The following AGMO variants were observed in gnomAD, a reference collection of about 807,000 sequenced individuals.
AGMO encodes glyceryl-ether monooxygenase.
AGMO carries 75 observed loss-of-function variants against 60.2 expected under a neutral mutation model. The observed-to-expected ratio is 1.25, with a 90% CI of 1.03 to 1.51. The LOEUF (loss-of-function observed/expected upper bound fraction) is 1.51, where lower values mean the gene tolerates loss of function less well. Ranked by LOEUF, AGMO falls within the 40% of genes most tolerant of loss-of-function variation. The pLI is 0.00. For missense variants in AGMO, 763 were observed against 525.5 expected (o/e 1.45, Z -4.42); for synonymous variants, 261 against 177.1 (o/e 1.47, Z -3.76).
chr7:15,437,531 CTTTTTTTT>C (rs201021445), intron 3 of AGMO, among the ~76,000 whole-genome samples: 5 of 120,600 alleles, frequency 4.1e-5, no homozygotes, highest in Non-Finnish European at 5.1e-5. Flanking sequence ...AAATTTTTTC[CTTTTTTTT>C]TTTTTTTTTT....
the AGMO span, among the ~76,000 whole-genome samples, chr7:15,192,265 C>T: frequency 2.0e-5 from 3 of 149,690 alleles, no homozygotes; most frequent in South Asian, 6.6e-4. Context: ...CCCGCCATGC[C>T]CCCCACATCC....
intron 12 of AGMO, among the ~76,000 whole-genome samples, chr7:15,359,077 C>T (rs536883483): frequency 6.6e-6 from 1 of 152,054 alleles, no homozygotes; most frequent in Admixed American, 6.6e-5. Context: ...ATCATGAGGT[C>T]AGGAGATTGA....
At chr7:15,365,397 A>AAAAAAAAAAAAATAAAAAAAT in intron 12 of AGMO, 117 bp downstream of exon 12, 1 of 486,326 alleles carries the variant, frequency 2.1e-6, no homozygotes, top group Non-Finnish European at 3.6e-6. Flanking sequence ...AAAAAAAAAG[A>AAAAAAAAAAAAATAAAAAAAT]TCAAGATTTC....
At chr7:15,359,454 A>G (rs1782668657) in intron 12 of AGMO, among the ~76,000 whole-genome samples, 1 of 152,098 alleles carries the variant, frequency 6.6e-6, no homozygotes, top group South Asian at 2.1e-4. Context: ...ATATATTTAC[A>G]TTTTTTAAAA....
the AGMO span, among the ~76,000 whole-genome samples, chr7:15,141,109 G>A: frequency 3.1e-4 from 47 of 152,150 alleles, no homozygotes; most frequent in African/African-American, 1.1e-3. Flanking sequence ...CTTGTAAATG[G>A]CTCATAGTCC....
chr7:15,200,104 T>C (rs115311150), downstream of AGMO, among the ~76,000 whole-genome samples: 2,889 of 152,182 alleles, frequency 0.019, 85 homozygotes, highest in African/African-American at 0.065. Context: ...TTAGTACATG[T>C]GTCTTTGATT....
chr7:15,350,457 G>C (rs931203998), intron 12 of AGMO, among the ~76,000 whole-genome samples: 1 of 152,130 alleles, frequency 6.6e-6, no homozygotes, highest in African/African-American at 2.4e-5. Flanking sequence ...ATTAGAGGTA[G>C]ATAAGAGTTT....
chr7:15,431,243 T>A (rs1781230208), intron 3 of AGMO, 135 bp from the exon 4 acceptor site: 3 of 616,776 alleles, frequency 4.9e-6, no homozygotes, highest in South Asian at 2.0e-5. Context: ...AATATAATTA[T>A]AATTAAAATA....
intron 3 of AGMO, among the ~76,000 whole-genome samples, chr7:15,433,434 TAA>T (rs11288973): frequency 2.0e-5 from 3 of 149,622 alleles, no homozygotes; most frequent in Non-Finnish European, 4.5e-5. Context: ...TCAGAATTGG[TAA>T]AAAAAAAAGA....
At chr7:15,354,476 A>ACG (rs1248483898) in intron 12 of AGMO, among the ~76,000 whole-genome samples, 327 of 22,498 alleles carry the variant, frequency 0.015, 43 homozygotes, top group African/African-American at 0.032. Context: ...GTGTATACAC[A>ACG]CGTGTGTATA....
chr7:15,334,612 G>A (rs1419721502), intron 12 of AGMO, among the ~76,000 whole-genome samples: 2 of 152,120 alleles, frequency 1.3e-5, no homozygotes, highest in Non-Finnish European at 2.9e-5. Flanking sequence ...TACAAGGCAG[G>A]TGTATTTTTA....
At position 15,449,944 on chromosome 7, in the gene AGMO, G is replaced by A. The variant is rs148599577; in HGVS notation, c.410-18836C>T. ...GTACCACTTAAATCACATTTTAAGA[G>A]CACCTGTTTTCAAATTTAACAACAA... On this transcript the variant is annotated intron_variant, in intron 3 of 12. Transcript: ENST00000342526. Among the ~76,000 whole-genome samples the A allele has an allele frequency of 4.6e-3, 693 of 152,158 alleles. 5 individuals carry two copies. Among genetic ancestry groups the A allele is most frequent in the African/African-American group, 0.016 (656 of 41,492 alleles).
rs572866243 is a variant in AGMO, at chr7:15,365,570, G to C, written c.1207C>G (p.Leu403Val). 3 of 1,612,706 alleles carry C rather than the reference G, an allele frequency of 1.9e-6. No homozygotes were observed. The highest frequency in any genetic ancestry group is 2.5e-6 in the Non-Finnish European group (3 of 1,179,114). ...ETLRCLMFLM[L>V]YRFGHLKPLV... is the part of the protein sequence containing the mutation. ...GGCTTCAGGTGACCAAATCGGTACA[G>C]CATTAAGAACATCAAGCAACGGAGA... The change falls in exon 12 of 13, where the codon CTG becomes GTG. Residue 403 changes from leucine to valine, a missense_variant. By Grantham distance (32) the Leu-to-Val change is conservative. Transcript: ENST00000342526.
At chr7:15,366,280 G>T (rs554690093) in intron 10 of AGMO, 58 bp from the exon 11 acceptor site, 2 of 1,365,276 alleles carry the variant, frequency 1.5e-6, no homozygotes, top group Non-Finnish European at 2.0e-6. Flanking sequence ...AAAGGTACAC[G>T]AACGGTTAAA....
chr7:15,461,206 C>G (rs1419993674), intron 3 of AGMO, among the ~76,000 whole-genome samples: 1 of 151,948 alleles, frequency 6.6e-6, no homozygotes, highest in Non-Finnish European at 1.5e-5. Flanking sequence ...GCCTCATTAT[C>G]ACAATGCTGT....
intron 3 of AGMO, among the ~76,000 whole-genome samples, chr7:15,512,688 G>A (rs1783706204): frequency 6.6e-6 from 1 of 152,042 alleles, no homozygotes; most frequent in Non-Finnish European, 1.5e-5. Context: ...ATATGGATTG[G>A]TATTCTCAGA....
intron 3 of AGMO, among the ~76,000 whole-genome samples, chr7:15,530,956 A>ATATATTCTATATGTATTCTATATG (rs1490291196): frequency 3.9e-5 from 2 of 51,834 alleles, no homozygotes; most frequent in African/African-American, 6.5e-5. Context: ...TTGAATACAT[A>ATATATTCTATATGTATTCTATATG]TATATTCTAT....
the AGMO span, among the ~76,000 whole-genome samples, chr7:15,121,738 C>A: frequency 6.6e-6 from 1 of 152,070 alleles, no homozygotes; most frequent in South Asian, 2.1e-4. Flanking sequence ...ATATATAGAC[C>A]AATGGAACAG....
chr7:15,456,655 C>A (rs73682010), intron 3 of AGMO, among the ~76,000 whole-genome samples: 2,369 of 152,232 alleles, frequency 0.016, 59 homozygotes, highest in African/African-American at 0.054. Context: ...ACTACTTCTT[C>A]CACAGGATTT....
Sources: gnomAD v4.1 joint callset for allele counts (sites outside exome capture counted in the v4.1 genomes callset) on GRCh38, gnomAD v4.1.1 for gene constraint, MANE v1.5 for transcripts, NCBI Gene and HGNC (gene_info 2026-07-23, HGNC 2026-07-21) for gene names.